VAV2: variants seen among roughly 807,000 people sequenced by gnomAD.
The protein encoded by VAV2 is vav guanine nucleotide exchange factor 2.
Under a neutral mutation model 132.5 loss-of-function variants are expected in VAV2, and 67 were observed. That is an observed-to-expected ratio of 0.51 (90% CI 0.42 to 0.62). VAV2 has a LOEUF of 0.62. VAV2 is among the 20% of genes least tolerant of loss of function. The pLI is 0.00. For synonymous variants in VAV2, 492 were observed against 443.5 expected (o/e 1.11, Z -1.37); for missense variants, 938 against 1,153.6 (o/e 0.81, Z 2.71).
intron 1 of VAV2, among the ~76,000 whole-genome samples, chr9:133,939,819 G>A (rs1200898987): frequency 6.6e-6 from 1 of 152,238 alleles, no homozygotes; most frequent in African/African-American, 2.4e-5. Context: ...AAGAAGCCAC[G>A]GAGGACCCAG....
At chr9:133,898,542 C>T (rs917363511) in intron 2 of VAV2, among the ~76,000 whole-genome samples, 12 of 151,936 alleles carry the variant, frequency 7.9e-5, no homozygotes, top group African/African-American at 2.4e-4. Context: ...TGCAGTGAGC[C>T]GAGATCGTGC....
chr9:133,904,414 C>T (rs1436322804), intron 2 of VAV2, among the ~76,000 whole-genome samples: 5 of 152,250 alleles, frequency 3.3e-5, no homozygotes, highest in East Asian at 3.8e-4. Context: ...TTCATGTCCT[C>T]CAGGGTCCCG....
At chr9:133,827,634 T>C (rs376894372) in intron 4 of VAV2, among the ~76,000 whole-genome samples, 250 of 1,924 alleles carry the variant, frequency 0.13, 16 homozygotes, top group East Asian at 0.25. Context: ...GACCACTGAG[T>C]GGGGGCATCA....
At chr9:133,979,453 G>T (rs533671681) in intron 1 of VAV2, among the ~76,000 whole-genome samples, 1 of 152,218 alleles carries the variant, frequency 6.6e-6, no homozygotes, top group Non-Finnish European at 1.5e-5. Context: ...TCCCCAGGCA[G>T]GGGCTGCATG....
At chr9:133,835,682 T>C (rs187998534) in intron 3 of VAV2, among the ~76,000 whole-genome samples, 2 of 152,042 alleles carry the variant, frequency 1.3e-5, no homozygotes, top group Non-Finnish European at 2.9e-5. Context: ...CAGGCTGACA[T>C]TTGCTCAGCC....
Position 133,969,955 on chromosome 9 carries a change from G to C in VAV2, c.204+22120C>G, listed in dbSNP as rs146757071. Among the ~76,000 whole-genome samples, 5 of 152,030 alleles carry C rather than the reference G, an allele frequency of 3.3e-5. No individual in the cohort carries two copies. The highest frequency in any genetic ancestry group is 5.9e-5 in the Non-Finnish European group (4 of 67,960). On this transcript the variant is annotated intron_variant, in intron 1 of 29. Coordinates refer to ENST00000371850, the MANE Select transcript of VAV2 (RefSeq NM_001134398.2). This position sits in a 1 kb window ranked among gnomAD's most constrained non-coding sequence, Gnocchi z 5.1. ...TCCCTGGCACACCCAGGATGAAGCC[G>C]GCCCTGCCTCCCTGCAGCCTTCAAG... is the stretch of plus-strand genomic sequence containing the variant.
At chr9:133,915,039 G>A (rs987444007) in intron 2 of VAV2, among the ~76,000 whole-genome samples, 1 of 152,100 alleles carries the variant, frequency 6.6e-6, no homozygotes, top group East Asian at 1.9e-4. Context: ...TGCTGTGTCT[G>A]GGAATCTTGA....
At position 133,879,854 on chromosome 9, in the gene VAV2, G is replaced by A. The variant is rs779428301; in HGVS notation, c.322-18422C>T. ...AAACAGATGGAAACCGGCCGCAGAC[G>A]AAGCTCTGGCATCCAGATTTGCTTC... On this transcript the variant is annotated intron_variant, in intron 2 of 29. Transcript: ENST00000371850. The surrounding 1 kb of genome is among the most constrained non-coding windows in gnomAD (Gnocchi z 4.4). Among the ~76,000 whole-genome samples, 4 of 152,228 alleles carry A rather than the reference G, an allele frequency of 2.6e-5. No homozygotes were observed. The highest frequency in any genetic ancestry group is 3.8e-4 in the East Asian group (2 of 5,204).
At chr9:133,770,917 T>G (rs192118778) in intron 26 of VAV2, among the ~76,000 whole-genome samples, 1 of 152,188 alleles carries the variant, frequency 6.6e-6, no homozygotes, top group East Asian at 1.9e-4. Context: ...CGCCTAAAAA[T>G]CAGCTGGGGC....
chr9:133,824,540 G>A lies in VAV2; in HGVS notation c.449+9732C>T, dbSNP rs554406983. The stretch of plus-strand genomic sequence containing the variant: ...TAAATCACACTTTGGCAAATCCTAC[G>A]CACTCTTCAAAATGAACACCTCCTC... On this transcript the variant is annotated intron_variant, in intron 4 of 29. Coordinates refer to ENST00000371850, the MANE Select transcript of VAV2 (RefSeq NM_001134398.2). This position sits in a 1 kb window ranked among gnomAD's most constrained non-coding sequence, Gnocchi z 5.2. 1.3e-5 allele frequency among the ~76,000 whole-genome samples: 2 copies of A among 152,158 alleles called. No homozygotes were observed. The highest frequency in any genetic ancestry group is 2.4e-5 in the African/African-American group (1 of 41,430).
At chr9:133,811,176 C>T (rs745412781) in intron 5 of VAV2, among the ~76,000 whole-genome samples, 2 of 152,190 alleles carry the variant, frequency 1.3e-5, no homozygotes, top group African/African-American at 2.4e-5. Context: ...AAAACTCAGT[C>T]GAGACCCTTC....
intron 19 of VAV2, among the ~76,000 whole-genome samples, chr9:133,782,469 G>A (rs538101363): frequency 1.4e-4 from 21 of 152,198 alleles, no homozygotes; most frequent in Non-Finnish European, 1.8e-4. Context: ...GCCTGTGATG[G>A]GGACAAGGGG....
chr9:133,964,309 G>GAT (rs10530876), intron 1 of VAV2, among the ~76,000 whole-genome samples: 45 of 148,362 alleles, frequency 3.0e-4, no homozygotes, highest in Admixed American at 4.7e-4. Flanking sequence ...AGTGAGCCCT[G>GAT]ATATATATAT....
In VAV2 at chr9:133,812,084, G is replaced by A. The variant is rs758116831; in HGVS notation, c.552+30C>T. 6.9e-6 allele frequency: 11 copies of A among 1,604,630 alleles called. No homozygotes were observed. The African/African-American group carries it at 1.5e-4, about 21-fold the overall frequency. ...GGCTGCTCTGCGAGGGAAGGGAGGG[G>A]AAGGGAGGGAGGAGCGGGGCAGGGC... On this transcript the variant is annotated intron_variant, in intron 5 of 29. Coordinates refer to ENST00000371850, the MANE Select transcript of VAV2 (RefSeq NM_001134398.2).
At chr9:133,809,527 G>A (rs1444649691) in intron 6 of VAV2, among the ~76,000 whole-genome samples, 1 of 152,208 alleles carries the variant, frequency 6.6e-6, no homozygotes, top group African/African-American at 2.4e-5. Flanking sequence ...CACCTACTGT[G>A]TGCATAAGTC....
intron 2 of VAV2, among the ~76,000 whole-genome samples, chr9:133,889,666 G>A (rs1182334252): frequency 6.6e-6 from 1 of 152,142 alleles, no homozygotes; most frequent in African/African-American, 2.4e-5. Context: ...TGCTTCCTCA[G>A]CGACCGAGTG....
intron 2 of VAV2, among the ~76,000 whole-genome samples, chr9:133,888,167 C>T (rs977634746): frequency 6.6e-6 from 1 of 152,166 alleles, no homozygotes; most frequent in Admixed American, 6.5e-5. Context: ...GGCAGACTCA[C>T]GCAGACAGCA....
chr9:133,982,438 CG>C (rs1414158864), intron 1 of VAV2, among the ~76,000 whole-genome samples: 2 of 125,558 alleles, frequency 1.6e-5, no homozygotes, highest in African/African-American at 2.9e-5. Flanking sequence ...GGACCTAGGA[CG>C]GGGCATGGCA....
At position 133,834,367 on chromosome 9, in the gene VAV2, T is replaced by G. The variant is rs1380741577; in HGVS notation, c.381-27A>C. Reference sequence around the variant, plus strand: ...TGCGGAAGAGAAGGCGAGAGGGAGGTGAGCAGGTCCCGGCACTGCCGGCCA... The same window carrying G: ...TGCGGAAGAGAAGGCGAGAGGGAGGGGAGCAGGTCCCGGCACTGCCGGCCA... On this transcript the variant is annotated intron_variant, in intron 3 of 29. Transcript: ENST00000371850. This position sits in a 1 kb window ranked among gnomAD's most constrained non-coding sequence, Gnocchi z 5.9. The G allele has an allele frequency of 6.2e-7, 1 of 1,606,556 alleles. No individual in the cohort carries two copies. The highest frequency in any genetic ancestry group is 8.5e-7 in the Non-Finnish European group (1 of 1,176,520).
Sources: allele counts gnomAD v4.1 joint callset (sites outside exome capture counted in the v4.1 genomes callset), GRCh38; gene constraint gnomAD v4.1.1; non-coding constraint Gnocchi (gnomAD v3.1); transcripts MANE v1.5; gene names NCBI Gene and HGNC (gene_info 2026-07-23, HGNC 2026-07-21).